The following ADARB2 variants were observed in gnomAD, a reference collection of about 807,000 sequenced individuals.
The protein encoded by ADARB2 is inactive double-stranded RNA-specific editase B2.
Under a neutral mutation model 62.2 loss-of-function variants are expected in ADARB2, and 25 were observed. The ratio of observed to expected loss-of-function variants is 0.40; its 90% CI spans 0.29 to 0.56. The LOEUF (loss-of-function observed/expected upper bound fraction) is 0.56. ADARB2 is among the 20% of genes least tolerant of loss of function. ADARB2 has a pLI of 0.43. For synonymous variants in ADARB2, 572 were observed against 500.8 expected, an observed-to-expected ratio of 1.14 and a Z score of -1.90; for missense variants, 1,071 against 1,077.4, an observed-to-expected ratio of 0.99 and a Z score of 0.08.
At chr10:1,304,413 C>G (rs1396879384) in intron 3 of ADARB2, among the ~76,000 whole-genome samples, 6 of 151,362 alleles carry the variant, frequency 4.0e-5, no homozygotes, top group South Asian at 2.1e-4. Context: ...TAGACTCCCA[C>G]ACATTAATAA....
chr10:1,233,076 T>G (rs1830824864), intron 6 of ADARB2, among the ~76,000 whole-genome samples: 1 of 152,064 alleles, frequency 6.6e-6, no homozygotes, highest in African/African-American at 2.4e-5. Context: ...AAGGGTGGCT[T>G]CAAGGGAGAG....
At chr10:1,583,096 G>C (rs1041477147) in intron 1 of ADARB2, among the ~76,000 whole-genome samples, 1 of 152,194 alleles carries the variant, frequency 6.6e-6, no homozygotes, top group Non-Finnish European at 1.5e-5. Flanking sequence ...GTTGGATTAA[G>C]GACGAACAAT....
intron 3 of ADARB2, among the ~76,000 whole-genome samples, chr10:1,294,792 C>G (rs1831509449): frequency 6.6e-6 from 1 of 152,174 alleles, no homozygotes; most frequent in Non-Finnish European, 1.5e-5. Context: ...TTAGCGCTAC[C>G]CAATTCTGAC....
Position 1,255,288 on chromosome 10 carries a change from A to G in ADARB2, c.1193-12989T>C, listed in dbSNP as rs189661905. Among the ~76,000 whole-genome samples the G allele has an allele frequency of 2.9e-3, 437 of 152,348 alleles. 3 individuals are homozygous for G. The highest frequency in any genetic ancestry group is 0.01 in the African/African-American group (420 of 41,588). ...CAACACAGATTCACATGTTGCTCTG[A>G]CAGGAAATGAGGCAATCACTGGCCC... On this transcript the variant is annotated intron_variant, in intron 4 of 9. Coordinates refer to ENST00000381312, the MANE Select transcript of ADARB2 (RefSeq NM_018702.4). The surrounding 1 kb of genome is among the most constrained non-coding windows in gnomAD (Gnocchi z 4.7).
At position 1,398,178 on chromosome 10, in the gene ADARB2, C is replaced by G. The variant is rs116611216; in HGVS notation, c.101-19018G>C. Among the ~76,000 whole-genome samples the G allele has an allele frequency of 4.2e-4, 62 of 147,294 alleles. 1 individual carries two copies. Among genetic ancestry groups the G allele is most frequent in the African/African-American group, 1.6e-3 (62 of 39,208 alleles). On this transcript the variant is annotated intron_variant, in intron 1 of 9. Coordinates refer to ENST00000381312, the MANE Select transcript of ADARB2 (RefSeq NM_018702.4). The surrounding 1 kb of genome is among the most constrained non-coding windows in gnomAD (Gnocchi z 4.1). Reference sequence around the variant, plus strand: ...TTCCTGGGTCACCGTCCTCCTCTCCCGTCCCGAGTGCAGGCTTCCTGGGTC... The same window carrying G: ...TTCCTGGGTCACCGTCCTCCTCTCCGGTCCCGAGTGCAGGCTTCCTGGGTC...
intron 1 of ADARB2, among the ~76,000 whole-genome samples, chr10:1,616,654 C>T (rs1004301329): frequency 4.8e-5 from 7 of 145,490 alleles, no homozygotes; most frequent in African/African-American, 1.8e-4. Flanking sequence ...CGTCCAGACA[C>T]ACTCCGCACC....
At chr10:1,495,533 A>G (rs1451828503) in intron 1 of ADARB2, among the ~76,000 whole-genome samples, 1 of 152,252 alleles carries the variant, frequency 6.6e-6, no homozygotes, top group East Asian at 1.9e-4. Context: ...GCCCAATGCT[A>G]CATTTTGGCA....
intron 3 of ADARB2, among the ~76,000 whole-genome samples, chr10:1,334,533 A>G (rs1404894858): frequency 1.3e-5 from 2 of 152,198 alleles, no homozygotes; most frequent in Non-Finnish European, 1.5e-5. Context: ...CATATATATA[A>G]ATGCATTTAT....
chr10:1,188,878 G>A (rs1437951027), intron 8 of ADARB2, among the ~76,000 whole-genome samples: 1 of 152,248 alleles, frequency 6.6e-6, no homozygotes, highest in East Asian at 1.9e-4. Flanking sequence ...AGGAAGTGCA[G>A]TCAGGAGCGG....
chr10:1,260,514 G>A (rs1314574757), intron 4 of ADARB2, among the ~76,000 whole-genome samples: 127 of 151,384 alleles, frequency 8.4e-4, no homozygotes, highest in African/African-American at 1.9e-3. Flanking sequence ...AATAACAGAC[G>A]AACAGAGAGC....
chr10:1,588,013 C>T lies in ADARB2; in HGVS notation c.100+149038G>A, dbSNP rs541328451. Among the ~76,000 whole-genome samples, 15 of 152,246 alleles carry T rather than the reference C, an allele frequency of 9.9e-5. No homozygotes were observed. The South Asian group carries it at 1.5e-3, about 15-fold the overall frequency. On this transcript the variant is annotated intron_variant, in intron 1 of 9. Coordinates refer to ENST00000381312, the MANE Select transcript of ADARB2 (RefSeq NM_018702.4). The stretch of plus-strand genomic sequence containing the variant: ...TTTATAAATTACCCAGTCTCGGTTG[C>T]GTCTTTATCAACAGCTGAAAGCGGA...
At chr10:1,520,813 C>T (rs1474943540) in intron 1 of ADARB2, among the ~76,000 whole-genome samples, 3 of 152,180 alleles carry the variant, frequency 2.0e-5, no homozygotes, top group Non-Finnish European at 2.9e-5. Context: ...TCTCAGAGAA[C>T]ACTATTTTCT....
At chr10:1,578,150 A>G (rs377008209) in intron 1 of ADARB2, among the ~76,000 whole-genome samples, 12 of 152,270 alleles carry the variant, frequency 7.9e-5, no homozygotes, top group East Asian at 5.8e-4. Flanking sequence ...ACCACCCCAT[A>G]GGATGGAAAT....
chr10:1,598,377 A>G (rs1833364706), intron 1 of ADARB2, among the ~76,000 whole-genome samples: 1 of 152,244 alleles, frequency 6.6e-6, no homozygotes, highest in South Asian at 2.1e-4. Context: ...CCACTATCCA[A>G]TATATGCATG....
chr10:1,544,958 C>T (rs56339809), intron 1 of ADARB2, among the ~76,000 whole-genome samples: 323 of 28,926 alleles, frequency 0.011, 2 homozygotes, highest in Middle Eastern at 0.043. Context: ...GCAAAGTATA[C>T]ACACACACAC....
chr10:1,648,139 C>G (rs1388048309), intron 1 of ADARB2, among the ~76,000 whole-genome samples: 1 of 152,156 alleles, frequency 6.6e-6, no homozygotes, highest in Non-Finnish European at 1.5e-5. Flanking sequence ...CTTCTGTTTT[C>G]TTTTTTCTGA....
intron 1 of ADARB2, among the ~76,000 whole-genome samples, chr10:1,684,451 C>G (rs1190473058): frequency 6.6e-6 from 1 of 152,156 alleles, no homozygotes; most frequent in East Asian, 1.9e-4. Flanking sequence ...TATATATTCT[C>G]TATATCTGGA....
chr10:1,371,784 TAAAAAAAAA>T (rs71379114), intron 2 of ADARB2, among the ~76,000 whole-genome samples: 41 of 125,774 alleles, frequency 3.3e-4, no homozygotes, highest in Admixed American at 9.2e-4. Context: ...TATTAAAAAG[TAAAAAAAAA>T]AAAAAAAAAA....
At chr10:1,436,397 G>A (rs1202840537) in intron 1 of ADARB2, among the ~76,000 whole-genome samples, 1 of 152,150 alleles carries the variant, frequency 6.6e-6, no homozygotes, top group African/African-American at 2.4e-5. Flanking sequence ...CTTCTCGTGA[G>A]CAAAAGCCGA....
Sources: allele counts gnomAD v4.1 joint callset (sites outside exome capture counted in the v4.1 genomes callset), GRCh38; gene constraint gnomAD v4.1.1; non-coding constraint Gnocchi (gnomAD v3.1); transcripts MANE v1.5; gene names NCBI Gene and HGNC (gene_info 2026-07-23, HGNC 2026-07-21).